Variants in ZC3H12B observed in about 807,000 individuals in gnomAD.
ZC3H12B encodes probable ribonuclease ZC3H12B.
ZC3H12B carries 7 observed loss-of-function variants against 43.9 expected under a neutral mutation model. The observed-to-expected ratio is 0.16, with a 90% CI of 0.09 to 0.30. The LOEUF (loss-of-function observed/expected upper bound fraction) is 0.30, where lower values mean the gene tolerates loss of function less well. Ranked by LOEUF, ZC3H12B falls within the 10% of genes least tolerant of loss-of-function variation. ZC3H12B has a pLI of 1.00. For synonymous variants in ZC3H12B, 222 were observed against 241.7 expected (o/e 0.92, Z 0.76); for missense variants, 475 against 670.2 (o/e 0.71, Z 3.22).
chrX:65,454,347 C>T (rs887992798), intron 3 of ZC3H12B, among the ~76,000 whole-genome samples: 8 of 112,506 alleles, frequency 7.1e-5, no homozygotes, highest in East Asian at 2.8e-4. Flanking sequence ...ACGCCTGGCT[C>T]GGAGGGTCCT....
chrX:65,438,109 G>GT lies in ZC3H12B; in HGVS notation n.407+39412dup, dbSNP rs200832765. Among the ~76,000 whole-genome samples, 796 of 111,785 alleles carry GT rather than the reference G, an allele frequency of 7.1e-3. 16 individuals carry two copies. Among genetic ancestry groups the GT allele is most frequent in the African/African-American group, 0.024 (754 of 30,779 alleles). On this transcript the variant is annotated intron_variant and non_coding_transcript_variant, in intron 3 of 5. Transcript: ENST00000617377. ...TCTGATTCTGTGGCAGTATTATGCTGTTTTTTTAAATATAGCTCTGTAGTA... is the reference window on the plus strand; with the variant it reads ...TCTGATTCTGTGGCAGTATTATGCTGTTTTTTTTAAATATAGCTCTGTAGTA...
chrX:65,474,555 A>T (rs1462766131), intron 3 of ZC3H12B, among the ~76,000 whole-genome samples: 2 of 110,352 alleles, frequency 1.8e-5, no homozygotes, highest in African/African-American at 6.6e-5. Context: ...TTTTTTAATT[A>T]TTTTCTGTCT....
At chrX:65,163,751 A>C in the ZC3H12B span, among the ~76,000 whole-genome samples, 1 of 111,292 alleles carries the variant, frequency 9.0e-6, no homozygotes, top group Admixed American at 9.6e-5. Flanking sequence ...GCCCTGCTTC[A>C]GCTCACGCAT....
intron 2 of ZC3H12B, among the ~76,000 whole-genome samples, chrX:65,386,238 T>A (rs748219595): frequency 8.9e-6 from 1 of 112,105 alleles, no homozygotes; most frequent in East Asian, 2.8e-4. Flanking sequence ...CTCCTCTTTG[T>A]ACCTCTGGAA....
Position 65,411,852 on chromosome X carries a change from CT to C in ZC3H12B, n.407+13150del, listed in dbSNP as rs755834942. Among the ~76,000 whole-genome samples the C allele has an allele frequency of 2.7e-5, 3 of 109,212 alleles. No homozygotes were observed. In the South Asian group the frequency reaches 1.2e-3, roughly 42 times the overall value. The allele number at this position is 109,212 out of a possible 115,157, so 94.8% of individuals were successfully genotyped here. ...TAATGTGATTATTTCACATTGCCTG[CT>C]TATATCAAAATATCTCATGTACCCC... is the stretch of plus-strand genomic sequence containing the variant. On this transcript the variant is annotated intron_variant and non_coding_transcript_variant, in intron 3 of 5. Coordinates refer to the ZC3H12B transcript ENST00000617377.
At chrX:65,155,693 A>G in the ZC3H12B span, among the ~76,000 whole-genome samples, 1 of 110,312 alleles carries the variant, frequency 9.1e-6, no homozygotes, top group South Asian at 3.9e-4. Context: ...GTCTGTACAG[A>G]AAATAAAAAT....
chrX:65,382,807 C>T (rs1161891395), intron 2 of ZC3H12B, among the ~76,000 whole-genome samples: 12 of 111,344 alleles, frequency 1.1e-4, no homozygotes, highest in African/African-American at 3.6e-4. Flanking sequence ...TGTACACCAA[C>T]AACAGACAAA....
At chrX:65,234,268 T>C in the ZC3H12B span, among the ~76,000 whole-genome samples, 5 of 112,135 alleles carry the variant, frequency 4.5e-5, no homozygotes, top group African/African-American at 1.6e-4. Context: ...CATATGGTCA[T>C]TCCAATATAT....
chrX:65,059,256 G>A, the ZC3H12B span, among the ~76,000 whole-genome samples: 8 of 92,869 alleles, frequency 8.6e-5, no homozygotes, highest in East Asian at 2.4e-3. Context: ...TTTTGCTTTG[G>A]CTGCCTGCGC....
chrX:65,354,954 G>A, the ZC3H12B span, among the ~76,000 whole-genome samples: 1 of 111,596 alleles, frequency 9.0e-6, no homozygotes, highest in African/African-American at 3.3e-5. Flanking sequence ...AAGAAATATG[G>A]GACTATGGGA....
the ZC3H12B span, among the ~76,000 whole-genome samples, chrX:65,334,756 G>A: frequency 1.8e-5 from 2 of 111,466 alleles, no homozygotes; most frequent in Non-Finnish European, 3.8e-5. Flanking sequence ...AGGCACAACT[G>A]GAAGGCAAAA....
At chrX:65,164,416 T>G in the ZC3H12B span, among the ~76,000 whole-genome samples, 1 of 111,320 alleles carries the variant, frequency 9.0e-6, no homozygotes, top group South Asian at 3.8e-4. Context: ...ATAATGATAA[T>G]ATCTATAGGA....
At chrX:65,127,636 C>T in the ZC3H12B span, among the ~76,000 whole-genome samples, 2 of 110,964 alleles carry the variant, frequency 1.8e-5, no homozygotes, top group East Asian at 5.7e-4. Context: ...AGAGAAAGAC[C>T]ACCTGGTTGT....
chrX:65,216,731 G>A, the ZC3H12B span, among the ~76,000 whole-genome samples: 4 of 111,764 alleles, frequency 3.6e-5, no homozygotes, highest in Non-Finnish European at 7.5e-5. Flanking sequence ...GAAGAGATCA[G>A]AAGACTTTTT....
chrX:65,371,294 A>G (rs192209325), intron 2 of ZC3H12B, among the ~76,000 whole-genome samples: 3 of 111,938 alleles, frequency 2.7e-5, no homozygotes, highest in Admixed American at 1.9e-4. Context: ...GAGTCTCATA[A>G]TAATGACAAT....
At chrX:65,162,830 G>T in the ZC3H12B span, among the ~76,000 whole-genome samples, 1 of 112,074 alleles carries the variant, frequency 8.9e-6, no homozygotes, top group East Asian at 2.8e-4. Flanking sequence ...TCCTTTGGAG[G>T]AGAAGAGACG....
chrX:65,227,634 A>T, the ZC3H12B span, among the ~76,000 whole-genome samples: 1 of 111,682 alleles, frequency 9.0e-6, no homozygotes, highest in Non-Finnish European at 1.9e-5. Flanking sequence ...ATACACTGCT[A>T]GCAAGACTAA....
At chrX:65,342,709 G>T in the ZC3H12B span, among the ~76,000 whole-genome samples, 14 of 110,193 alleles carry the variant, frequency 1.3e-4, no homozygotes, top group African/African-American at 4.6e-4. Context: ...AAATTAGAAA[G>T]ATCTCAATTT....
At chrX:65,099,700 CA>C in the ZC3H12B span, among the ~76,000 whole-genome samples, 26 of 110,808 alleles carry the variant, frequency 2.3e-4, no homozygotes, top group African/African-American at 8.5e-4. Flanking sequence ...AAGGACCCCC[CA>C]CACACACACA....
Sources: gnomAD v4.1 joint callset for allele counts (sites outside exome capture counted in the v4.1 genomes callset) on GRCh38, gnomAD v4.1.1 for gene constraint, MANE v1.5 for transcripts, NCBI Gene and HGNC (gene_info 2026-07-23, HGNC 2026-07-21) for gene names.